Variants in HS6ST2 observed in about 807,000 individuals in gnomAD.
The protein encoded by HS6ST2 is heparan sulfate 6-O-sulfotransferase 2, also known as heparan-sulfate 6-O-sulfotransferase 2.
A neutral mutation model predicts 33.0 loss-of-function variants in HS6ST2; 17 were observed. That is an observed-to-expected ratio of 0.52 (90% CI 0.35 to 0.77). The LOEUF (loss-of-function observed/expected upper bound fraction) is 0.77. HS6ST2 is among the 30% of genes least tolerant of loss of function. HS6ST2 has a pLI of 0.01. For synonymous variants in HS6ST2, 248 were observed against 237.1 expected (o/e 1.05, Z -0.42); for missense variants, 519 against 551.7 (o/e 0.94, Z 0.59).
At chrX:132,740,947 G>A (rs1382432635) in intron 2 of HS6ST2, among the ~76,000 whole-genome samples, 4 of 112,157 alleles carry the variant, frequency 3.6e-5, no homozygotes, top group Non-Finnish European at 7.5e-5. Flanking sequence ...GTCACAGAAG[G>A]GAATGCATTT....
chrX:132,646,432 G>A (rs1392464188), intron 4 of HS6ST2, among the ~76,000 whole-genome samples: 2 of 109,091 alleles, frequency 1.8e-5, no homozygotes, highest in Admixed American at 9.8e-5. Flanking sequence ...TACTTGGGAC[G>A]CTGAAGTGGG....
chrX:132,675,770 C>T (rs1193622116), intron 3 of HS6ST2, among the ~76,000 whole-genome samples: 1 of 111,858 alleles, frequency 8.9e-6, no homozygotes, highest in Non-Finnish European at 1.9e-5. Flanking sequence ...CTCTTTACCA[C>T]GGCCTAACCG....
chrX:132,804,648 T>A (rs963807737), intron 2 of HS6ST2, among the ~76,000 whole-genome samples: 13 of 111,117 alleles, frequency 1.2e-4, no homozygotes, highest in Admixed American at 1.9e-4. Context: ...AAATAAAAAA[T>A]TTTTAAAAAT....
intron 2 of HS6ST2, among the ~76,000 whole-genome samples, chrX:132,798,388 T>C (rs17317147): frequency 5.2e-4 from 57 of 109,786 alleles, no homozygotes; most frequent in African/African-American, 1.8e-3. Flanking sequence ...AGGGATCCTT[T>C]TTTTCCTGTT....
At chrX:132,919,247 A>G (rs763700582) in intron 2 of HS6ST2, among the ~76,000 whole-genome samples, 128 of 112,382 alleles carry the variant, frequency 1.1e-3, no homozygotes, top group African/African-American at 3.9e-3. Flanking sequence ...TTAATCCCAT[A>G]GGCACAACCA....
At chrX:132,668,413 A>G (rs1274440175) in intron 4 of HS6ST2, 1 of 110,774 alleles carries the variant, frequency 9.0e-6, no homozygotes, top group Admixed American at 9.7e-5. Context: ...AATTAGAGGT[A>G]TGTCATCTGC....
At chrX:132,676,394 A>G (rs1211666247) in intron 3 of HS6ST2, among the ~76,000 whole-genome samples, 2 of 112,336 alleles carry the variant, frequency 1.8e-5, no homozygotes, top group African/African-American at 3.2e-5. Flanking sequence ...ACAAGTGTGA[A>G]AAAATGCTAG....
At chrX:132,787,216 C>A in intron 2 of HS6ST2, among the ~76,000 whole-genome samples, 1 of 75,015 alleles carries the variant, frequency 1.3e-5, no homozygotes, top group Non-Finnish European at 2.5e-5. Context: ...TATATATACA[C>A]ATATATATAT....
At chrX:132,693,763 G>A (rs967677918) in intron 3 of HS6ST2, among the ~76,000 whole-genome samples, 1 of 111,153 alleles carries the variant, frequency 9.0e-6, no homozygotes, top group African/African-American at 3.3e-5. Flanking sequence ...AGTCTAGAAA[G>A]GGGATTTTAA....
chrX:132,888,392 G>A (rs1469332992), intron 2 of HS6ST2, among the ~76,000 whole-genome samples: 2 of 111,576 alleles, frequency 1.8e-5, no homozygotes, highest in Non-Finnish European at 3.8e-5. Context: ...CTTATTCACT[G>A]TCACAAGAAC....
intron 4 of HS6ST2, among the ~76,000 whole-genome samples, chrX:132,637,008 T>C (rs763871260): frequency 8.0e-5 from 9 of 112,390 alleles, no homozygotes; most frequent in Non-Finnish European, 1.7e-4. Context: ...AGTAGGTGTG[T>C]TCAGGCTTCA....
intron 2 of HS6ST2, among the ~76,000 whole-genome samples, chrX:132,899,086 C>T (rs2066404968): frequency 9.0e-6 from 1 of 111,452 alleles, no homozygotes; most frequent in African/African-American, 3.3e-5. Flanking sequence ...CTAAAGGCTA[C>T]GTTGATACTA....
chrX:132,801,427 A>G (rs1198031906), intron 2 of HS6ST2, among the ~76,000 whole-genome samples: 1 of 112,019 alleles, frequency 8.9e-6, no homozygotes, highest in Non-Finnish European at 1.9e-5. Context: ...TACTGCCTTG[A>G]AAATTGAATA....
chrX:132,642,216 T>C (rs2063606419), intron 4 of HS6ST2, among the ~76,000 whole-genome samples: 2 of 111,485 alleles, frequency 1.8e-5, no homozygotes, highest in Non-Finnish European at 3.8e-5. Context: ...GCTGGACATG[T>C]GCTGTCTGGG....
At chrX:132,886,594 G>A (rs1480649869) in intron 2 of HS6ST2, among the ~76,000 whole-genome samples, 1 of 110,580 alleles carries the variant, frequency 9.0e-6, no homozygotes, top group African/African-American at 3.3e-5. Flanking sequence ...AGAATCCCAA[G>A]TAGGATTAAT....
intron 4 of HS6ST2, among the ~76,000 whole-genome samples, chrX:132,632,111 G>A (rs1016380683): frequency 9.0e-6 from 1 of 110,882 alleles, no homozygotes; most frequent in Non-Finnish European, 1.9e-5. Context: ...TTTCACTGCA[G>A]CAGAGAAGTT....
chrX:132,657,551 C>CTTGAG (rs2063739831), intron 4 of HS6ST2, among the ~76,000 whole-genome samples: 1 of 109,516 alleles, frequency 9.1e-6, no homozygotes, highest in Non-Finnish European at 1.9e-5. Context: ...TTTTTCCCCC[C>CTTGAG]AAAGTTACTG....
intron 2 of HS6ST2, among the ~76,000 whole-genome samples, chrX:132,854,134 T>G (rs1254007743): frequency 8.9e-6 from 1 of 112,309 alleles, no homozygotes; most frequent in Non-Finnish European, 1.9e-5. Flanking sequence ...CGTTTTGGAA[T>G]CTGTGCAATT....
chrX:132,904,399 T>C (rs1175921844), intron 2 of HS6ST2, among the ~76,000 whole-genome samples: 2 of 112,024 alleles, frequency 1.8e-5, no homozygotes, highest in South Asian at 7.5e-4. Context: ...ATTCTCATTT[T>C]GCGTCTCATA....
Sources: allele counts gnomAD v4.1 joint callset (sites outside exome capture counted in the v4.1 genomes callset), GRCh38; gene constraint gnomAD v4.1.1; transcripts MANE v1.5; gene names NCBI Gene and HGNC (gene_info 2026-07-23, HGNC 2026-07-21).